The following UGT1A9 variants were observed in gnomAD, a reference collection of about 807,000 sequenced individuals.
UGT1A9 encodes UDP glucuronosyltransferase family 1 member A9, also known as UDP-glucuronosyltransferase 1A9.
In UGT1A9, 35 loss-of-function variants were observed where a neutral mutation model predicts 45.0. That is an observed-to-expected ratio of 0.78 (90% CI 0.59 to 1.03). The LOEUF is 1.03. Ranked by LOEUF, UGT1A9 falls within the 50% of genes least tolerant of loss-of-function variation. UGT1A9 has a pLI of 0.00. For synonymous variants in UGT1A9, 278 were observed against 250.6 expected (o/e 1.11, Z -1.03); for missense variants, 687 against 666.6 (o/e 1.03, Z -0.34).
At chr2:233,678,604 AG>A (rs1381391486) in intron 1 of UGT1A9, among the ~76,000 whole-genome samples, 8 of 152,178 alleles carry the variant, frequency 5.3e-5, no homozygotes, top group Non-Finnish European at 5.9e-5. Flanking sequence ...AGTGCCCATA[AG>A]GGTTCATGTC....
intron 1 of UGT1A9, chr2:233,690,553 C>A (rs2074996047): frequency 7.8e-7 from 1 of 1,289,576 alleles, no homozygotes. Flanking sequence ...GAATATGTCC[C>A]AAGCCTGAGT....
At chr2:233,701,460 C>A (rs1437947511) in intron 1 of UGT1A9, among the ~76,000 whole-genome samples, 1 of 151,910 alleles carries the variant, frequency 6.6e-6, no homozygotes, top group Admixed American at 6.6e-5. Context: ...ACAAGGATAC[C>A]CAGGAATTGA....
intron 2 of UGT1A9, 81 bp from the exon 3 acceptor site, chr2:233,767,768 G>A (rs1166342197): frequency 1.9e-5 from 30 of 1,610,020 alleles, no homozygotes; most frequent in Non-Finnish European, 2.5e-5. Flanking sequence ...GAGGACCCCT[G>A]TTTTCTAGTT....
intron 1 of UGT1A9, chr2:233,743,956 G>A (rs184316279): frequency 9.0e-5 from 120 of 1,338,248 alleles, no homozygotes; most frequent in Middle Eastern, 2.2e-4. Flanking sequence ...CTGGCACAGC[G>A]AGCGGCAAGG....
At chr2:233,703,357 C>A (rs1254530363) in intron 1 of UGT1A9, among the ~76,000 whole-genome samples, 1 of 151,876 alleles carries the variant, frequency 6.6e-6, no homozygotes, top group Non-Finnish European at 1.5e-5. Flanking sequence ...GTTAATCTAA[C>A]TTTAGGTTTA....
Position 233,747,172 on chromosome 2 carries a change from C to A in UGT1A9, c.856-19862C>A. 9 of 1,596,738 alleles carry A rather than the reference C, an allele frequency of 5.6e-6. No homozygotes were observed. The South Asian group carries it at 1.0e-4, about 18-fold the overall frequency. On this transcript the variant is annotated intron_variant, in intron 1 of 4. Transcript: ENST00000354728. Reference sequence around the variant, plus strand: ...ATGAAGAAAACAAATGTAGGAGGCACAGCGTGGGGTGGACAGTCAGCTGTC... The same window carrying A: ...ATGAAGAAAACAAATGTAGGAGGCAAAGCGTGGGGTGGACAGTCAGCTGTC...
chr2:233,681,401 G>T (rs2074521999), intron 1 of UGT1A9, among the ~76,000 whole-genome samples: 1 of 151,800 alleles, frequency 6.6e-6, no homozygotes, highest in African/African-American at 2.4e-5. Flanking sequence ...GGGCATGGCA[G>T]CGTGCGCCTG....
At chr2:233,730,095 T>G (rs1360215327) in intron 1 of UGT1A9, 1 of 1,591,544 alleles carries the variant, frequency 6.3e-7, no homozygotes, top group Non-Finnish European at 8.5e-7. Context: ...TCTTTCCAAA[T>G]ATTTCATTTC....
intron 1 of UGT1A9, chr2:233,682,417 T>G (rs1442367024): frequency 1.2e-6 from 2 of 1,613,910 alleles, no homozygotes; most frequent in African/African-American, 2.7e-5. Flanking sequence ...TTGCCAAATA[T>G]TTCTCCCTCC....
chr2:233,760,736 C>G lies in UGT1A9; in HGVS notation c.856-6298C>G, dbSNP rs371418452. 6 of 1,614,160 alleles carry G rather than the reference C, an allele frequency of 3.7e-6. No homozygotes were observed. Among genetic ancestry groups the G allele is most frequent in the Non-Finnish European group, 5.1e-6 (6 of 1,180,028 alleles). Reference sequence around the variant, plus strand: ...GAAAGCAGCTTTGATGTCATGCTGACGGACCCTTTCCTTCCTTGCAGCCCC... The same window carrying G: ...GAAAGCAGCTTTGATGTCATGCTGAGGGACCCTTTCCTTCCTTGCAGCCCC... On this transcript the variant is annotated intron_variant, in intron 1 of 4. Coordinates refer to ENST00000354728, the MANE Select transcript of UGT1A9 (RefSeq NM_021027.3).
Position 233,772,250 on chromosome 2 carries a change from CT to C in UGT1A9, c.1296-9del, listed in dbSNP as rs1325171114. 1.9e-6 allele frequency: 3 copies of C among 1,614,110 alleles called. No homozygotes were observed. Reference sequence around the variant, plus strand: ...GGTGTTCCAGGCATAACGAAACTGTCTTTGTGTTTAGTTACAAGGAGAACAT... The same window carrying C: ...GGTGTTCCAGGCATAACGAAACTGTCTTGTGTTTAGTTACAAGGAGAACAT... On this transcript the variant is annotated splice_polypyrimidine_tract_variant and intron_variant, in intron 4 of 4. Coordinates refer to ENST00000354728, the MANE Select transcript of UGT1A9 (RefSeq NM_021027.3).
At chr2:233,676,246 G>A (rs1190118644) in intron 1 of UGT1A9, among the ~76,000 whole-genome samples, 1 of 152,162 alleles carries the variant, frequency 6.6e-6, no homozygotes, top group Non-Finnish European at 1.5e-5. Context: ...GGTTGATGAT[G>A]AATTCACTGA....
chr2:233,678,393 A>T (rs1313626087), intron 1 of UGT1A9, among the ~76,000 whole-genome samples: 1 of 152,100 alleles, frequency 6.6e-6, no homozygotes, highest in Non-Finnish European at 1.5e-5. Context: ...GTGGAGGAGG[A>T]GGAGTAGATG....
chr2:233,696,516 CT>C (rs1314589445), intron 1 of UGT1A9, among the ~76,000 whole-genome samples: 2 of 152,156 alleles, frequency 1.3e-5, no homozygotes, highest in African/African-American at 4.8e-5. Flanking sequence ...GTTCTAACAG[CT>C]TTTGGGTGGA....
chr2:233,735,427 T>C (rs2078650919), intron 1 of UGT1A9, among the ~76,000 whole-genome samples: 1 of 152,212 alleles, frequency 6.6e-6, no homozygotes, highest in Non-Finnish European at 1.5e-5. Context: ...ATAGGCCTCC[T>C]GAATACAGCA....
intron 1 of UGT1A9, among the ~76,000 whole-genome samples, chr2:233,696,325 T>G (rs2075338334): frequency 6.6e-6 from 1 of 152,218 alleles, no homozygotes; most frequent in African/African-American, 2.4e-5. Context: ...TTCATCCTCA[T>G]TTCCTTATAC....
At chr2:233,721,989 A>C (rs2076985463) in intron 1 of UGT1A9, 1 of 271,622 alleles carries the variant, frequency 3.7e-6, no homozygotes, top group Non-Finnish European at 7.4e-6. Context: ...TAGTTTCACG[A>C]ATGTCCTTTA....
chr2:233,696,068 A>T (rs1471650951), intron 1 of UGT1A9, among the ~76,000 whole-genome samples: 1 of 152,218 alleles, frequency 6.6e-6, no homozygotes, highest in Non-Finnish European at 1.5e-5. Context: ...TACAGCCACT[A>T]TGAAGAACAG....
chr2:233,678,276 G>C (rs1382711038), intron 1 of UGT1A9, among the ~76,000 whole-genome samples: 1 of 152,168 alleles, frequency 6.6e-6, no homozygotes, highest in East Asian at 1.9e-4. Context: ...ATATACTCAG[G>C]TAACCTGCAC....
Sources: gnomAD v4.1 joint callset for allele counts (sites outside exome capture counted in the v4.1 genomes callset) on GRCh38, gnomAD v4.1.1 for gene constraint, MANE v1.5 for transcripts, NCBI Gene and HGNC (gene_info 2026-07-23, HGNC 2026-07-21) for gene names.